The following MMAA variants were observed in gnomAD, a reference collection of about 807,000 sequenced individuals.
MMAA encodes methylmalonic aciduria type A protein, mitochondrial.
MMAA carries 41 observed loss-of-function variants against 45.0 expected under a neutral mutation model. The observed-to-expected ratio is 0.91, with a 90% CI of 0.71 to 1.18. The LOEUF (loss-of-function observed/expected upper bound fraction) is 1.18, where lower values mean the gene tolerates loss of function less well. Ranked by LOEUF, MMAA falls within the 50% of genes most tolerant of loss-of-function variation. The pLI, the probability that MMAA is intolerant of heterozygous loss-of-function variation, is 0.00. For synonymous variants in MMAA, 154 were observed against 178.2 expected, an observed-to-expected ratio of 0.86 and a Z score of 1.08; for missense variants, 460 against 495.7, an observed-to-expected ratio of 0.93 and a Z score of 0.68.
At chr4:145,651,950 G>A (rs961247724) in intron 5 of MMAA, among the ~76,000 whole-genome samples, 3 of 152,146 alleles carry the variant, frequency 2.0e-5, no homozygotes, top group East Asian at 1.9e-4. Context: ...CTGATCTAAC[G>A]GGACAGAGCT....
chr4:145,630,121 C>T (rs1251222295), intron 1 of MMAA, among the ~76,000 whole-genome samples: 11 of 152,118 alleles, frequency 7.2e-5, no homozygotes, highest in African/African-American at 2.2e-4. Flanking sequence ...AGCAGTGAAG[C>T]CATCAGGTCC....
In MMAA at chr4:145,651,535, C is replaced by T. The variant is rs142490831; in HGVS notation, c.819+388C>T. ...ATGAGATTCTTACTCTCCTCTGCAC[C>T]GCAGTTCTGGCACAACTACCTAAAG... is the stretch of plus-strand genomic sequence containing the variant. On this transcript the variant is annotated intron_variant, in intron 5 of 6. Transcript: ENST00000649156. Among the ~76,000 whole-genome samples the T allele has an allele frequency of 1.7e-3, 264 of 152,264 alleles. 1 individual carries two copies. Among genetic ancestry groups the T allele is most frequent in the South Asian group, 3.5e-3 (17 of 4,820 alleles).
At chr4:145,632,221 G>A (rs1344054823) in intron 1 of MMAA, among the ~76,000 whole-genome samples, 1 of 152,138 alleles carries the variant, frequency 6.6e-6, no homozygotes, top group Non-Finnish European at 1.5e-5. Context: ...GCTTTTGTTT[G>A]TCTGAGAAAG....
At chr4:145,623,454 G>C (rs2126606249) in intron 1 of MMAA, among the ~76,000 whole-genome samples, 1 of 152,258 alleles carries the variant, frequency 6.6e-6, no homozygotes, top group Non-Finnish European at 1.5e-5. Flanking sequence ...CCTTCTAAAA[G>C]AGCTCACTGG....
At position 145,639,098 on chromosome 4, in the gene MMAA, A is replaced by C; in HGVS notation, c.-42A>C. ...AGGGAGGTCACAATCACATTGAGCC[A>C]AAACGCATCCAGTGTTTTCTCCAGT... is the stretch of plus-strand genomic sequence containing the variant. On this transcript the variant is annotated 5_prime_UTR_variant, in exon 2 of 7. Coordinates refer to ENST00000649156, the MANE Select transcript of MMAA (RefSeq NM_172250.3). The C allele has an allele frequency of 6.2e-7, 1 of 1,602,194 alleles. No individual in the cohort carries two copies. Among genetic ancestry groups the C allele is most frequent in the East Asian group, 2.2e-5 (1 of 44,812 alleles).
In MMAA at chr4:145,655,602, T is replaced by C. The variant is rs1167384853; in HGVS notation, c.*168T>C. On this transcript the variant is annotated 3_prime_UTR_variant, in exon 7 of 7. Transcript: ENST00000649156. ...GGAAGTTAGATATGAATGGCAAAAG[T>C]TAGGCAGTATTTATAAGGTACCTGT... The C allele has an allele frequency of 4.8e-6, 3 of 625,270 alleles. No homozygotes were observed. Among genetic ancestry groups the C allele is most frequent in the Non-Finnish European group, 8.1e-6 (3 of 369,970 alleles). The allele number at this position is 625,270 out of a possible 1,614,324, so 38.7% of individuals were successfully genotyped here. A position where few individuals can be genotyped will look rare whatever the true frequency, so the allele number is the denominator to read the frequency against.
chr4:145,631,468 G>T (rs148254356), intron 1 of MMAA, among the ~76,000 whole-genome samples: 112 of 152,030 alleles, frequency 7.4e-4, no homozygotes, highest in African/African-American at 2.6e-3. Flanking sequence ...AATTACTCCT[G>T]TTCTTTTTTG....
intron 1 of MMAA, among the ~76,000 whole-genome samples, chr4:145,638,807 T>A (rs1727695073): frequency 6.6e-6 from 1 of 152,360 alleles, no homozygotes; most frequent in Non-Finnish European, 1.5e-5. Context: ...ATTTTATATA[T>A]TGTTTTTATT....
intron 3 of MMAA, 132 bp downstream of exon 3, chr4:145,642,617 C>A: frequency 7.8e-7 from 1 of 1,279,928 alleles, no homozygotes; most frequent in Non-Finnish European, 1.1e-6. Flanking sequence ...GGGAGTTCTG[C>A]AGAGTTAGGT....
chr4:145,625,760 G>T, intron 1 of MMAA: 1 of 1,284,418 alleles, frequency 7.8e-7, no homozygotes, highest in Non-Finnish European at 1.1e-6. Context: ...ATAACCAGTA[G>T]AGCTGCTGAG....
At chr4:145,635,531 G>C (rs1469182837) in intron 1 of MMAA, among the ~76,000 whole-genome samples, 1 of 152,190 alleles carries the variant, frequency 6.6e-6, no homozygotes, top group Non-Finnish European at 1.5e-5. Flanking sequence ...AAACCAGGTA[G>C]AAAATGATTG....
chr4:145,652,616 G>C (rs1172792239), intron 5 of MMAA, among the ~76,000 whole-genome samples: 1 of 151,992 alleles, frequency 6.6e-6, no homozygotes, highest in Non-Finnish European at 1.5e-5. Flanking sequence ...TGTAGTCCCA[G>C]CTACTTGGGA....
chr4:145,655,606 G>T lies in MMAA; in HGVS notation c.*172G>T. On this transcript the variant is annotated 3_prime_UTR_variant, in exon 7 of 7. Coordinates refer to ENST00000649156, the MANE Select transcript of MMAA (RefSeq NM_172250.3). ...GTTAGATATGAATGGCAAAAGTTAGGCAGTATTTATAAGGTACCTGTTTTA... is the reference window on the plus strand; with the variant it reads ...GTTAGATATGAATGGCAAAAGTTAGTCAGTATTTATAAGGTACCTGTTTTA... 1 of 618,426 alleles carries T rather than the reference G, an allele frequency of 1.6e-6. No homozygotes were observed. The allele number at this position is 618,426 out of a possible 1,614,324, so 38.3% of individuals were successfully genotyped here. A position where few individuals can be genotyped will look rare whatever the true frequency, so the allele number is the denominator to read the frequency against.
chr4:145,646,178 A>G (rs1347644340), intron 4 of MMAA, 22 bp downstream of exon 4: 2 of 1,613,690 alleles, frequency 1.2e-6, no homozygotes, highest in African/African-American at 2.7e-5. Flanking sequence ...ATTCTATTTC[A>G]TAACAATGTA....
At chr4:145,624,195 T>C (rs1734148732) in intron 1 of MMAA, 4 of 856,426 alleles carry the variant, frequency 4.7e-6, no homozygotes, top group Non-Finnish European at 8.2e-6. Flanking sequence ...ACCACTTCTT[T>C]TTATCAACTT....
chr4:145,650,350 G>A (rs1315550413), intron 4 of MMAA: 1 of 152,532 alleles, frequency 6.6e-6, no homozygotes, highest in Non-Finnish European at 1.5e-5. Flanking sequence ...GTAAGGCTGA[G>A]TTTGTATTTG....
At position 145,658,281 on chromosome 4, in the gene MMAA, AATAC is replaced by A. The variant is rs1197087989; in HGVS notation, c.*2851_*2854del. On this transcript the variant is annotated 3_prime_UTR_variant, in exon 7 of 7. Coordinates refer to ENST00000649156, the MANE Select transcript of MMAA (RefSeq NM_172250.3). ...AAAGAACAGCCTAATACAGGTGCTA[AATAC>A]ATATCTGACAATAAATGGTAGTTAT... The A allele has an allele frequency of 1.7e-4, 26 of 152,194 alleles. No individual in the cohort carries two copies. Among genetic ancestry groups the A allele is most frequent in the Admixed American group, 1.5e-3 (23 of 15,272 alleles). 9.4% of individuals were successfully genotyped at this position (152,194 alleles called of 1,614,324 possible).
In MMAA at chr4:145,639,218, A is replaced by C. The variant is rs756348773; in HGVS notation, c.79A>C (p.Ile27Leu). The change falls in exon 2 of 7, where the codon ATC becomes CTC. Residue 27 changes from isoleucine to leucine, a missense_variant. By Grantham distance (5) the Ile-to-Leu change is conservative. Coordinates refer to ENST00000649156, the MANE Select transcript of MMAA (RefSeq NM_172250.3). ...AGCACCTTTCCGATGTTACCACTTC[A>C]TCTTTCACTCAAGTACTCATCTCGG... ...LRAPFRCYHF[I>L]FHSSTHLGSG... 3 of 1,614,158 alleles carry C rather than the reference A, an allele frequency of 1.9e-6. No homozygotes were observed. The highest frequency in any genetic ancestry group is 2.5e-6 in the Non-Finnish European group (3 of 1,180,032).
chr4:145,621,707 G>A (rs1444174589), intron 1 of MMAA, among the ~76,000 whole-genome samples: 7 of 152,186 alleles, frequency 4.6e-5, no homozygotes, highest in East Asian at 1.9e-4. Context: ...TTGCCTGTAC[G>A]AATTGTGCTG....
Sources: gnomAD v4.1 joint callset for allele counts (sites outside exome capture counted in the v4.1 genomes callset) on GRCh38, gnomAD v4.1.1 for gene constraint, MANE v1.5 for transcripts, NCBI Gene and HGNC (gene_info 2026-07-23, HGNC 2026-07-21) for gene names.